WASF2: variants seen among roughly 807,000 people sequenced by gnomAD.
WASF2 encodes the protein WASP family member 2.
WASF2 carries 14 observed loss-of-function variants against 45.0 expected under a neutral mutation model. The observed-to-expected ratio is 0.31, with a 90% CI of 0.21 to 0.49. The LOEUF is 0.49. Among genes scored for constraint, WASF2 ranks in the 20% least tolerant of loss-of-function variants. The pLI, the probability that WASF2 is intolerant of heterozygous loss-of-function variation, is 0.99. For synonymous variants in WASF2, 200 were observed against 236.3 expected, an observed-to-expected ratio of 0.85 and a Z score of 1.41; for missense variants, 439 against 636.1, an observed-to-expected ratio of 0.69 and a Z score of 3.33.
At position 27,414,107 on chromosome 1, in the gene WASF2, A is replaced by G. The variant is rs1447561985; in HGVS notation, c.668+726T>C. On this transcript the variant is annotated intron_variant, in intron 6 of 8. Coordinates refer to ENST00000618852, the MANE Select transcript of WASF2 (RefSeq NM_006990.5). The surrounding 1 kb of genome is among the most constrained non-coding windows in gnomAD (Gnocchi z 4.1). ...CAGCCATGATGCAGTGTATTTAGAGAAAAAACCAGGGCGACATTCATGCCA... is the reference window on the plus strand; with the variant it reads ...CAGCCATGATGCAGTGTATTTAGAGGAAAAACCAGGGCGACATTCATGCCA... Among the ~76,000 whole-genome samples the G allele has an allele frequency of 1.3e-5, 2 of 152,182 alleles. No individual in the cohort carries two copies. The highest frequency in any genetic ancestry group is 4.8e-5 in the African/African-American group (2 of 41,434).
At chr1:27,467,444 G>A (rs1349922893) in intron 1 of WASF2, among the ~76,000 whole-genome samples, 1 of 149,594 alleles carries the variant, frequency 6.7e-6, no homozygotes, top group Non-Finnish European at 1.5e-5. Flanking sequence ...GGGACTACAG[G>A]CACCTGCCAC....
chr1:27,420,008 G>A (rs1336037388), intron 2 of WASF2, among the ~76,000 whole-genome samples: 1 of 152,020 alleles, frequency 6.6e-6, no homozygotes, highest in Non-Finnish European at 1.5e-5. Flanking sequence ...GGGCTCAAGC[G>A]ATTCTCATGT....
intron 1 of WASF2, among the ~76,000 whole-genome samples, chr1:27,463,601 C>T (rs1366906519): frequency 3.2e-5 from 4 of 126,346 alleles, no homozygotes; most frequent in Admixed American, 9.6e-5. Flanking sequence ...CTAGCCTGGG[C>T]GACAGAGTGA....
At chr1:27,469,360 CA>C (rs1349285056) in intron 1 of WASF2, among the ~76,000 whole-genome samples, 1 of 152,088 alleles carries the variant, frequency 6.6e-6, no homozygotes. Context: ...ACGAGATGAG[CA>C]GACAAGTTTA....
rs565865307 is a variant in WASF2, at chr1:27,433,282, C to A, written c.-43-4349G>T. Among the ~76,000 whole-genome samples the A allele has an allele frequency of 5.3e-5, 8 of 152,286 alleles. No homozygotes were observed. The South Asian group carries it at 1.7e-3, about 32-fold the overall frequency. On this transcript the variant is annotated intron_variant, in intron 1 of 8. Coordinates refer to ENST00000618852, the MANE Select transcript of WASF2 (RefSeq NM_006990.5). ...ATAACTGGATTCCTCATCTGAACCA[C>A]AGAACAAAAAGGATGATTAGAGTGA...
At chr1:27,430,649 G>C (rs967249405) in intron 1 of WASF2, among the ~76,000 whole-genome samples, 3 of 151,752 alleles carry the variant, frequency 2.0e-5, no homozygotes, top group African/African-American at 7.3e-5. Flanking sequence ...CAGCCTTTTT[G>C]TTTTTTTGAG....
intron 1 of WASF2, among the ~76,000 whole-genome samples, chr1:27,463,837 T>C (rs1234666070): frequency 1.3e-5 from 2 of 150,330 alleles, no homozygotes. Context: ...AGTTTCACTC[T>C]TGTTGCCCAG....
chr1:27,443,400 G>A (rs2017269829), intron 1 of WASF2, among the ~76,000 whole-genome samples: 2 of 151,398 alleles, frequency 1.3e-5, no homozygotes, highest in South Asian at 4.2e-4. Flanking sequence ...GATCACCTGA[G>A]GTCAGGAGTT....
intron 1 of WASF2, among the ~76,000 whole-genome samples, chr1:27,486,710 G>A (rs540572018): frequency 1.3e-5 from 2 of 152,212 alleles, no homozygotes; most frequent in African/African-American, 4.8e-5. Flanking sequence ...GATCAACCGA[G>A]GTCAGGAGTT....
intron 1 of WASF2, among the ~76,000 whole-genome samples, chr1:27,466,355 A>C (rs1187566024): frequency 6.6e-6 from 1 of 152,194 alleles, no homozygotes; most frequent in Admixed American, 6.5e-5. Context: ...ACAACAGAAA[A>C]AGAGACATCT....
chr1:27,456,175 A>G (rs2017463937), intron 1 of WASF2, among the ~76,000 whole-genome samples: 1 of 151,982 alleles, frequency 6.6e-6, no homozygotes, highest in Non-Finnish European at 1.5e-5. Context: ...ACAAAAAATT[A>G]GCCAGGCGTG....
rs2017024387 is a variant in WASF2, at chr1:27,428,930, C to T, written c.-40G>A. 1 of 1,570,250 alleles carries T rather than the reference C, an allele frequency of 6.4e-7. No individual in the cohort carries two copies. The highest frequency in any genetic ancestry group is 1.7e-5 in the Admixed American group (1 of 58,642). On this transcript the variant is annotated 5_prime_UTR_variant, in exon 2 of 9. Transcript: ENST00000618852. ...AGGCAATGTTCTGAATGGTGAAAAACAACCTAAAAAAGAAATAACAGGAAA... is the reference window on the plus strand; with the variant it reads ...AGGCAATGTTCTGAATGGTGAAAAATAACCTAAAAAAGAAATAACAGGAAA...
chr1:27,453,428 C>T (rs1440506102), intron 1 of WASF2, among the ~76,000 whole-genome samples: 25 of 150,996 alleles, frequency 1.7e-4, no homozygotes. Context: ...CCTGTGTCCA[C>T]TAAAAATACA....
chr1:27,449,309 T>A (rs2017350940), intron 1 of WASF2, among the ~76,000 whole-genome samples: 1 of 152,084 alleles, frequency 6.6e-6, no homozygotes, highest in African/African-American at 2.4e-5. Flanking sequence ...CAATAAATGT[T>A]TATCAAGGCC....
chr1:27,484,297 T>C (rs1238784976), intron 1 of WASF2, among the ~76,000 whole-genome samples: 2 of 152,220 alleles, frequency 1.3e-5, no homozygotes, highest in Non-Finnish European at 2.9e-5. Flanking sequence ...GAAAATGTGC[T>C]AGTAGAGGCC....
intron 1 of WASF2, among the ~76,000 whole-genome samples, chr1:27,471,344 C>CAAAAAA (rs35393807): frequency 1.9e-5 from 1 of 53,162 alleles, no homozygotes; most frequent in Non-Finnish European, 4.0e-5. Context: ...GACTCTGTCT[C>CAAAAAA]AAAAAAAAAA....
At chr1:27,489,093 A>T (rs2017986941) in intron 1 of WASF2, among the ~76,000 whole-genome samples, 1 of 151,978 alleles carries the variant, frequency 6.6e-6, no homozygotes, top group Non-Finnish European at 1.5e-5. Context: ...TTCTATGGAC[A>T]ACCATATTAA....
chr1:27,445,730 A>C (rs1217286650), intron 1 of WASF2, among the ~76,000 whole-genome samples: 2 of 152,126 alleles, frequency 1.3e-5, no homozygotes, highest in East Asian at 3.8e-4. Context: ...TCAAACAGCT[A>C]GGCATTAGGG....
At chr1:27,480,234 T>A (rs987289439) in intron 1 of WASF2, among the ~76,000 whole-genome samples, 4 of 152,132 alleles carry the variant, frequency 2.6e-5, no homozygotes, top group African/African-American at 9.7e-5. Context: ...TGAGTACTTA[T>A]GGCCGGGTGT....
Sources: allele counts gnomAD v4.1 joint callset (sites outside exome capture counted in the v4.1 genomes callset), GRCh38; gene constraint gnomAD v4.1.1; non-coding constraint Gnocchi (gnomAD v3.1); transcripts MANE v1.5; gene names NCBI Gene and HGNC (gene_info 2026-07-23, HGNC 2026-07-21).